The following SPATA6L variants were observed in gnomAD, a reference collection of about 807,000 sequenced individuals.
The protein encoded by SPATA6L is spermatogenesis associated 6 like.
A neutral mutation model predicts 49.2 loss-of-function variants in SPATA6L; 68 were observed. That is an observed-to-expected ratio of 1.38 (90% CI 1.14 to 1.69). SPATA6L has a LOEUF of 1.69. SPATA6L is among the 40% of genes most tolerant of loss of function. The pLI is 0.00. For missense variants in SPATA6L, 668 were observed against 464.3 expected (o/e 1.44, Z -4.03); for synonymous variants, 198 against 165.7 (o/e 1.19, Z -1.50).
At chr9:4,642,706 A>G (rs1834303504) in intron 3 of SPATA6L, among the ~76,000 whole-genome samples, 1 of 152,244 alleles carries the variant, frequency 6.6e-6, no homozygotes, top group African/African-American at 2.4e-5. Flanking sequence ...TCTCTTAAGA[A>G]AAAGAAAAGC....
chr9:4,601,563 A>G (rs569242982), intron 11 of SPATA6L, among the ~76,000 whole-genome samples: 33 of 152,200 alleles, frequency 2.2e-4, no homozygotes, highest in African/African-American at 7.9e-4. Flanking sequence ...AATGGGACTC[A>G]TTGTTTTTGG....
chr9:4,606,197 T>C lies in SPATA6L; in HGVS notation c.996-757A>G, dbSNP rs888551768. ...CTAGCACAGCAGTCTGAGATCAAAC[T>C]GCAAGGCGGCAGCGAGGCTGGGGGA... On this transcript the variant is annotated intron_variant, in intron 9 of 11. Transcript: ENST00000682582. Among the ~76,000 whole-genome samples, 20 of 150,604 alleles carry C rather than the reference T, an allele frequency of 1.3e-4. No homozygotes were observed. In the East Asian group the frequency reaches 1.4e-3, roughly 11 times the overall value.
At chr9:4,661,508 A>AT (rs34299991) in intron 2 of SPATA6L, among the ~76,000 whole-genome samples, 35,980 of 150,982 alleles carry the variant, frequency 0.24, 4,732 homozygotes, top group East Asian at 0.58. Context: ...TAATTTCATT[A>AT]TTTTTTTTTC....
intron 3 of SPATA6L, among the ~76,000 whole-genome samples, chr9:4,640,785 A>C (rs938186892): frequency 2.6e-5 from 4 of 152,198 alleles, no homozygotes; most frequent in Non-Finnish European, 5.9e-5. Flanking sequence ...TGAGCAATTC[A>C]AATTTAATTC....
chr9:4,594,475 G>C (rs1822111172), downstream of SPATA6L, among the ~76,000 whole-genome samples: 1 of 152,218 alleles, frequency 6.6e-6, no homozygotes, highest in South Asian at 2.1e-4. Context: ...GCCTCCCAAA[G>C]TGCTGGGATT....
intron 13 of SPATA6L, among the ~76,000 whole-genome samples, chr9:4,591,247 G>T (rs1339649591): frequency 1.3e-5 from 2 of 152,166 alleles, no homozygotes; most frequent in African/African-American, 4.8e-5. Context: ...AGATGACTTT[G>T]ATCCTCCTCC....
At chr9:4,650,942 T>C (rs1310928889) in intron 3 of SPATA6L, among the ~76,000 whole-genome samples, 2 of 152,052 alleles carry the variant, frequency 1.3e-5, no homozygotes, top group African/African-American at 4.8e-5. Flanking sequence ...GCTCAAGTGA[T>C]CTGCTCGCCT....
chr9:4,626,152 C>A, intron 5 of SPATA6L: 1 of 197,868 alleles, frequency 5.1e-6, no homozygotes, highest in Non-Finnish European at 1.1e-5. Context: ...CAGTGACTGG[C>A]TACTTCCAGT....
Position 4,598,712 on chromosome 9 carries a change from T to C in SPATA6L, c.*2099A>G, listed in dbSNP as rs1204863005. Among the ~76,000 whole-genome samples, 6 of 152,352 alleles carry C rather than the reference T, an allele frequency of 3.9e-5. No homozygotes were observed. The highest frequency in any genetic ancestry group is 1.4e-4 in the African/African-American group (6 of 41,590). On this transcript the variant is annotated 3_prime_UTR_variant, in exon 12 of 12. Coordinates refer to ENST00000682582, the MANE Select transcript of SPATA6L (RefSeq NM_001353486.2). The stretch of plus-strand genomic sequence containing the variant: ...CCAATTCATTAGTGCTGCTTTCCTT[T>C]AGCTGCTTACGTAAGCAGCCCTCTC...
chr9:4,629,823 A>T (rs933644441), intron 4 of SPATA6L, among the ~76,000 whole-genome samples: 2 of 132,562 alleles, frequency 1.5e-5, no homozygotes, highest in African/African-American at 6.1e-5. Context: ...AATTCTTATA[A>T]TCCTATAGGG....
intron 3 of SPATA6L, among the ~76,000 whole-genome samples, chr9:4,647,276 C>G (rs1835611171): frequency 6.6e-6 from 1 of 152,112 alleles, no homozygotes; most frequent in South Asian, 2.1e-4. Flanking sequence ...TGCAATATGA[C>G]TATACAAATT....
rs1423783733 is a variant in SPATA6L, at chr9:4,629,767, G to GTA, written c.352-600_352-599insTA. ...TTGTGTTTTATATATGTGTGTGTGTGTGTATATATATATATATATATATAT... is the reference window on the plus strand; with the variant it reads ...TTGTGTTTTATATATGTGTGTGTGTGTATGTATATATATATATATATATATAT... On this transcript the variant is annotated intron_variant, in intron 4 of 11. Transcript: ENST00000682582. Among the ~76,000 whole-genome samples the GTA allele has an allele frequency of 7.9e-4, 70 of 88,886 alleles. 1 individual carries two copies. The highest frequency in any genetic ancestry group is 3.6e-3 in the African/African-American group (56 of 15,638). 58.3% of individuals were successfully genotyped at this position (88,886 alleles called of 152,430 possible).
At chr9:4,659,925 G>A (rs1251323700) in intron 2 of SPATA6L, among the ~76,000 whole-genome samples, 7 of 152,156 alleles carry the variant, frequency 4.6e-5, no homozygotes, top group Non-Finnish European at 8.8e-5. Context: ...AACAAGAAAT[G>A]GGGAAAGGAT....
At chr9:4,610,537 G>A (rs1341053984) in intron 9 of SPATA6L, among the ~76,000 whole-genome samples, 4 of 143,996 alleles carry the variant, frequency 2.8e-5, no homozygotes, top group African/African-American at 7.8e-5. Flanking sequence ...AGAAAAACAA[G>A]CAATGGGGAA....
chr9:4,616,678 C>A (rs375097339), intron 9 of SPATA6L, among the ~76,000 whole-genome samples: 12 of 152,296 alleles, frequency 7.9e-5, no homozygotes, highest in South Asian at 2.1e-4. Flanking sequence ...CTCCGCCTCC[C>A]GGGTTCAAGC....
chr9:4,640,074 T>C (rs1833706716), intron 3 of SPATA6L, among the ~76,000 whole-genome samples: 1 of 152,216 alleles, frequency 6.6e-6, no homozygotes, highest in African/African-American at 2.4e-5. Flanking sequence ...TATAAAAGTA[T>C]AAAATTAAGC....
chr9:4,650,892 CG>C (rs1836697967), intron 3 of SPATA6L, among the ~76,000 whole-genome samples: 1 of 151,336 alleles, frequency 6.6e-6, no homozygotes, highest in Non-Finnish European at 1.5e-5. Flanking sequence ...GATAGAGACA[CG>C]GTTTCACCAT....
intron 7 of SPATA6L, among the ~76,000 whole-genome samples, chr9:4,620,260 C>T (rs1172598699): frequency 2.0e-5 from 3 of 151,938 alleles, no homozygotes; most frequent in Non-Finnish European, 4.4e-5. Context: ...GTCTCATAAC[C>T]TCCTTCCTCC....
At chr9:4,661,853 C>G (rs301489) in intron 2 of SPATA6L, 46 bp downstream of exon 2, 1 of 1,600,748 alleles carries the variant, frequency 6.2e-7, no homozygotes, top group Admixed American at 1.7e-5. Context: ...TAAGAACTCT[C>G]AGGTTATCTT....
Sources: allele counts gnomAD v4.1 joint callset (sites outside exome capture counted in the v4.1 genomes callset), GRCh38; gene constraint gnomAD v4.1.1; transcripts MANE v1.5; gene names NCBI Gene and HGNC (gene_info 2026-07-23, HGNC 2026-07-21).